The following MIR2052HG variants were observed in gnomAD, a reference collection of about 807,000 sequenced individuals.
MIR2052HG encodes the protein MIR2052 host gene.
intron 2 of MIR2052HG, among the ~76,000 whole-genome samples, chr8:74,698,782 G>A (rs185426193): frequency 6.6e-6 from 1 of 152,096 alleles, no homozygotes; most frequent in African/African-American, 2.4e-5. Flanking sequence ...TGCCTCTTAG[G>A]GGGTGGGAGG....
Position 74,618,869 on chromosome 8 carries a change from T to A in MIR2052HG, n.216+5929T>A, listed in dbSNP as rs371751158. Among the ~76,000 whole-genome samples the A allele has an allele frequency of 1.1e-4, 16 of 152,334 alleles. No individual in the cohort carries two copies. The South Asian group carries it at 2.3e-3, about 22-fold the overall frequency. On this transcript the variant is annotated intron_variant and non_coding_transcript_variant, in intron 2 of 6. Coordinates refer to ENST00000523442, the Ensembl canonical transcript of MIR2052HG. Reference sequence around the variant, plus strand: ...AAGTTTAATTGTCTCTGTTTGTAGATGACATGCTCTTATATAAAAAAATCC... The same window carrying A: ...AAGTTTAATTGTCTCTGTTTGTAGAAGACATGCTCTTATATAAAAAAATCC...
intron 1 of MIR2052HG, among the ~76,000 whole-genome samples, chr8:74,602,865 C>CTTTCT (rs1554570063): frequency 2.1e-4 from 30 of 142,624 alleles, no homozygotes; most frequent in South Asian, 2.2e-4. Context: ...TTCTTTCTTT[C>CTTTCT]TTTCTTTCTT....
intron 4 of MIR2052HG, among the ~76,000 whole-genome samples, chr8:74,732,101 A>G (rs1809698486): frequency 6.6e-6 from 1 of 152,202 alleles, no homozygotes; most frequent in Admixed American, 6.6e-5. Flanking sequence ...CTGTAGCTTC[A>G]ACCAACCATG....
At chr8:74,618,589 T>C (rs1322281768) in intron 2 of MIR2052HG, among the ~76,000 whole-genome samples, 1 of 152,184 alleles carries the variant, frequency 6.6e-6, no homozygotes, top group Non-Finnish European at 1.5e-5. Flanking sequence ...TGACAAAATT[T>C]CACATTATTT....
chr8:74,635,240 A>ATTT (rs199652112), intron 2 of MIR2052HG, among the ~76,000 whole-genome samples: 1 of 145,522 alleles, frequency 6.9e-6, no homozygotes, highest in Admixed American at 6.9e-5. Context: ...ACAAAAACAG[A>ATTT]TTTTTTTTTT....
chr8:74,706,530 C>T (rs935336202), intron 4 of MIR2052HG, among the ~76,000 whole-genome samples: 2 of 152,028 alleles, frequency 1.3e-5, no homozygotes, highest in African/African-American at 4.8e-5. Context: ...AGTCCAACTC[C>T]CAAGATTATG....
chr8:74,744,213 TC>T, intron 4 of MIR2052HG, among the ~76,000 whole-genome samples: 1 of 152,144 alleles, frequency 6.6e-6, no homozygotes, highest in South Asian at 2.1e-4. Flanking sequence ...CCAGTGTCTA[TC>T]CAAAAACTAT....
At chr8:74,635,892 T>A (rs892550712) in intron 2 of MIR2052HG, among the ~76,000 whole-genome samples, 15 of 152,222 alleles carry the variant, frequency 9.9e-5, no homozygotes, top group Non-Finnish European at 2.1e-4. Flanking sequence ...AATGGTGGAA[T>A]GCTTTTGGTT....
At chr8:74,717,132 A>G (rs1480308094) in intron 4 of MIR2052HG, among the ~76,000 whole-genome samples, 1 of 151,914 alleles carries the variant, frequency 6.6e-6, no homozygotes, top group Non-Finnish European at 1.5e-5. Context: ...TGCTTTAGGT[A>G]TTTGTCCTAA....
intron 2 of MIR2052HG, among the ~76,000 whole-genome samples, chr8:74,648,399 A>T (rs1031836079): frequency 9.9e-5 from 15 of 152,246 alleles, no homozygotes; most frequent in African/African-American, 3.6e-4. Context: ...TTTCCTGTTA[A>T]GATGTTTATC....
intron 2 of MIR2052HG, among the ~76,000 whole-genome samples, chr8:74,624,039 AT>A (rs2128733080): frequency 1.3e-5 from 2 of 152,344 alleles, no homozygotes; most frequent in East Asian, 3.9e-4. Flanking sequence ...TCCAAAAGCT[AT>A]TTATGGCATG....
chr8:74,662,007 G>C (rs1347386629), intron 2 of MIR2052HG, among the ~76,000 whole-genome samples: 1 of 152,110 alleles, frequency 6.6e-6, no homozygotes, highest in Admixed American at 6.5e-5. Flanking sequence ...AGCACTAAAT[G>C]GATATAACTC....
chr8:74,627,558 C>G (rs1053880191), intron 2 of MIR2052HG, among the ~76,000 whole-genome samples: 5 of 152,190 alleles, frequency 3.3e-5, no homozygotes, highest in African/African-American at 1.2e-4. Context: ...AAAATTAAAG[C>G]TATTACTTAA....
chr8:74,726,060 G>A (rs573618899), intron 4 of MIR2052HG, among the ~76,000 whole-genome samples: 10 of 152,156 alleles, frequency 6.6e-5, no homozygotes, highest in African/African-American at 7.2e-5. Flanking sequence ...AGGTGTGGTC[G>A]TGGGCACCTG....
intron 2 of MIR2052HG, among the ~76,000 whole-genome samples, chr8:74,657,973 A>G (rs1808824279): frequency 6.6e-6 from 1 of 152,056 alleles, no homozygotes. Context: ...ATGAACTTCT[A>G]CCCCTGGTTC....
chr8:74,655,857 A>T (rs1486592917), intron 2 of MIR2052HG, among the ~76,000 whole-genome samples: 3 of 152,104 alleles, frequency 2.0e-5, no homozygotes, highest in Non-Finnish European at 4.4e-5. Context: ...AGCCACAGAC[A>T]CTCAACATCA....
At chr8:74,622,463 G>A (rs1278250720) in intron 2 of MIR2052HG, among the ~76,000 whole-genome samples, 1 of 152,104 alleles carries the variant, frequency 6.6e-6, no homozygotes, top group African/African-American at 2.4e-5. Context: ...AATTAGCTGA[G>A]TGTGGTGGCA....
intron 2 of MIR2052HG, among the ~76,000 whole-genome samples, chr8:74,630,300 T>G (rs1227721338): frequency 6.6e-6 from 1 of 152,078 alleles, no homozygotes; most frequent in Admixed American, 6.6e-5. Context: ...GAAGTTTCCC[T>G]CTTCTCTCCC....
intron 1 of MIR2052HG, chr8:74,609,563 A>G (rs1808161684): frequency 6.6e-6 from 1 of 151,844 alleles, no homozygotes; most frequent in African/African-American, 2.4e-5. Flanking sequence ...TTAATTGATC[A>G]AAGTTAACAA....
Sources: gnomAD v4.1 joint callset for allele counts (sites outside exome capture counted in the v4.1 genomes callset) on GRCh38, gnomAD v4.1.1 for gene constraint, MANE v1.5 for transcripts, NCBI Gene and HGNC (gene_info 2026-07-23, HGNC 2026-07-21) for gene names.